Variants in GALNT18 observed in about 807,000 individuals in gnomAD.
The protein encoded by GALNT18 is polypeptide N-acetylgalactosaminyltransferase 18.
A neutral mutation model predicts 69.5 loss-of-function variants in GALNT18; 44 were observed. The ratio of observed to expected loss-of-function variants is 0.63; its 90% CI spans 0.50 to 0.81. The LOEUF (loss-of-function observed/expected upper bound fraction) is 0.81, where lower values mean the gene tolerates loss of function less well. Ranked by LOEUF, GALNT18 falls within the 40% of genes least tolerant of loss-of-function variation. The pLI is 0.00. For synonymous variants in GALNT18, 364 were observed against 318.2 expected (o/e 1.14, Z -1.53); for missense variants, 715 against 810.0 (o/e 0.88, Z 1.42).
intron 3 of GALNT18, among the ~76,000 whole-genome samples, chr11:11,388,268 C>T (rs1029650028): frequency 2.0e-5 from 3 of 152,276 alleles, no homozygotes; most frequent in East Asian, 1.9e-4. Flanking sequence ...CCATACTTAG[C>T]GGGGTCGCCA....
intron 1 of GALNT18, chr11:11,475,514 G>T (rs961367762): frequency 6.6e-6 from 1 of 152,206 alleles, no homozygotes; most frequent in Non-Finnish European, 1.5e-5. Flanking sequence ...ATTGAGTTTT[G>T]TTCCTTTTAA....
intron 1 of GALNT18, among the ~76,000 whole-genome samples, chr11:11,517,479 ACACATG>A (rs138434206): frequency 0.027 from 4,055 of 152,340 alleles, 126 homozygotes; most frequent in African/African-American, 0.072. Context: ...ATATACATCC[ACACATG>A]CACATATATG....
chr11:11,283,528 A>G (rs1849130094), intron 10 of GALNT18, among the ~76,000 whole-genome samples: 1 of 152,172 alleles, frequency 6.6e-6, no homozygotes, highest in Admixed American at 6.5e-5. Flanking sequence ...GGCACAGAGC[A>G]TTGGAGGAAG....
intron 10 of GALNT18, among the ~76,000 whole-genome samples, chr11:11,282,534 G>A (rs1849102469): frequency 1.3e-5 from 2 of 152,286 alleles, no homozygotes; most frequent in Admixed American, 6.5e-5. Flanking sequence ...GTAAGTAGTG[G>A]CAGCCTGGGA....
rs1022676043 is a variant in GALNT18 at position 11,315,298 on chromosome 11, T to G, written c.1512+11788A>C. Reference sequence around the variant, plus strand: ...GTGGACCTAGCAAGGTCCATTCACTTCCTTTCAGTGGTGCCATCAGGAAAG... The same window carrying G: ...GTGGACCTAGCAAGGTCCATTCACTGCCTTTCAGTGGTGCCATCAGGAAAG... On this transcript the variant is annotated intron_variant, in intron 9 of 10. Transcript: ENST00000227756. This position sits in a 1 kb window ranked among gnomAD's most constrained non-coding sequence, Gnocchi z 5.6. 6.6e-6 allele frequency among the ~76,000 whole-genome samples: 1 copy of G among 152,126 alleles called. No homozygotes were observed. The highest frequency in any genetic ancestry group is 2.4e-5 in the African/African-American group (1 of 41,418).
In GALNT18 at chr11:11,610,661, A is replaced by C. The variant is rs75111513; in HGVS notation, c.235+10698T>G. 6.4e-3 allele frequency among the ~76,000 whole-genome samples: 970 copies of C among 152,328 alleles called. 11 individuals carry two copies. The highest frequency in any genetic ancestry group is 0.011 in the Non-Finnish European group (771 of 68,032). ...AATAAAAGGCCTGGCCCAGTTATCG[A>C]GTTGGACATTCTATGTCATAATTCC... is the stretch of plus-strand genomic sequence containing the variant. On this transcript the variant is annotated intron_variant, in intron 1 of 10. Transcript: ENST00000227756.
intron 2 of GALNT18, among the ~76,000 whole-genome samples, chr11:11,440,315 C>T (rs1590003668): frequency 2.0e-5 from 3 of 152,306 alleles, no homozygotes; most frequent in East Asian, 1.9e-4. Context: ...GCTGAATGAA[C>T]AGCCACCCAG....
At chr11:11,301,149 CTG>C (rs1849487794) in intron 9 of GALNT18, among the ~76,000 whole-genome samples, 1 of 152,176 alleles carries the variant, frequency 6.6e-6, no homozygotes, top group South Asian at 2.1e-4. Context: ...CCTCTCATCT[CTG>C]TGCCCGTCTT....
intron 2 of GALNT18, among the ~76,000 whole-genome samples, chr11:11,437,544 C>G (rs968412390): frequency 6.6e-6 from 1 of 151,956 alleles, no homozygotes; most frequent in South Asian, 2.1e-4. Flanking sequence ...CAGTGCTGTA[C>G]GATCATGTGA....
rs1455745451 is a variant in GALNT18, at chr11:11,541,752, G to A, written c.235+79607C>T. Among the ~76,000 whole-genome samples, 4 of 132,866 alleles carry A rather than the reference G, an allele frequency of 3.0e-5. No individual in the cohort carries two copies. Among genetic ancestry groups the A allele is most frequent in the African/African-American group, 1.2e-4 (4 of 34,622 alleles). 87.2% of individuals were successfully genotyped at this position (132,866 alleles called of 152,430 possible). A position where few individuals can be genotyped will look rare whatever the true frequency, so the allele number is the denominator to read the frequency against. On this transcript the variant is annotated intron_variant, in intron 1 of 10. Coordinates refer to ENST00000227756, the MANE Select transcript of GALNT18 (RefSeq NM_198516.3). The surrounding 1 kb of genome is among the most constrained non-coding windows in gnomAD (Gnocchi z 4.8). ...CTTGGGGATTCCTCCCTTCAGCCAA[G>A]CCTCCCAGAGAAAGATGCTCAGACT... is the stretch of plus-strand genomic sequence containing the variant.
intron 3 of GALNT18, among the ~76,000 whole-genome samples, chr11:11,428,624 C>A (rs1397496228): frequency 6.6e-6 from 1 of 152,238 alleles, no homozygotes; most frequent in Non-Finnish European, 1.5e-5. Context: ...AGAGGCCCTG[C>A]TCCAAACTCT....
rs1401813496 is a variant in GALNT18, at chr11:11,340,322, G to A, written c.1278+497C>T. Among the ~76,000 whole-genome samples, 3 of 70,602 alleles carry A rather than the reference G, an allele frequency of 4.2e-5. No individual in the cohort carries two copies. The highest frequency in any genetic ancestry group is 7.9e-5 in the Non-Finnish European group (3 of 37,992). The allele number at this position is 70,602 out of a possible 152,430, so 46.3% of individuals were successfully genotyped here. ...TCCTAGTGAAGGTCCCTGTAGGTGT[G>A]CCCCCATCCCCATACACGTGGCTCA... On this transcript the variant is annotated intron_variant, in intron 7 of 10. Coordinates refer to ENST00000227756, the MANE Select transcript of GALNT18 (RefSeq NM_198516.3). The surrounding 1 kb of genome is among the most constrained non-coding windows in gnomAD (Gnocchi z 4.2).
At chr11:11,495,400 G>T (rs1190478496) in intron 1 of GALNT18, among the ~76,000 whole-genome samples, 1 of 152,180 alleles carries the variant, frequency 6.6e-6, no homozygotes, top group African/African-American at 2.4e-5. Context: ...TGAACATTTA[G>T]AAAGGGATGA....
chr11:11,466,801 G>A (rs1180601127), intron 1 of GALNT18, among the ~76,000 whole-genome samples: 1 of 152,146 alleles, frequency 6.6e-6, no homozygotes, highest in Non-Finnish European at 1.5e-5. Flanking sequence ...GTAAAGTTGG[G>A]GCAGGAATGA....
chr11:11,590,779 T>TC lies in GALNT18; in HGVS notation c.235+30579dup, dbSNP rs1859338509. 6.6e-6 allele frequency among the ~76,000 whole-genome samples: 1 copy of TC among 152,276 alleles called. No individual in the cohort carries two copies. The highest frequency in any genetic ancestry group is 6.5e-5 in the Admixed American group (1 of 15,294). ...TAGTAACATCACAGCCATCCTTATG[T>TC]CACAGCACAATGCATTCCTCAGGTG... is the stretch of plus-strand genomic sequence containing the variant. On this transcript the variant is annotated intron_variant, in intron 1 of 10. Coordinates refer to ENST00000227756, the MANE Select transcript of GALNT18 (RefSeq NM_198516.3). This position sits in a 1 kb window ranked among gnomAD's most constrained non-coding sequence, Gnocchi z 4.4.
intron 9 of GALNT18, among the ~76,000 whole-genome samples, chr11:11,302,279 G>A (rs1849508361): frequency 6.6e-6 from 1 of 152,124 alleles, no homozygotes; most frequent in East Asian, 1.9e-4. Flanking sequence ...GAGGTGCCTT[G>A]GTGTGGTTGA....
chr11:11,359,741 C>A (rs189831012), intron 6 of GALNT18, among the ~76,000 whole-genome samples: 1 of 152,302 alleles, frequency 6.6e-6, no homozygotes, highest in African/African-American at 2.4e-5. Context: ...GGAGTTAACC[C>A]TTGAAATTAA....
rs1391558163 is a variant in GALNT18 at position 11,320,861 on chromosome 11, G to T, written c.1512+6225C>A. On this transcript the variant is annotated intron_variant, in intron 9 of 10. Transcript: ENST00000227756. The surrounding 1 kb of genome is among the most constrained non-coding windows in gnomAD (Gnocchi z 4.9). The stretch of plus-strand genomic sequence containing the variant: ...CACAGCAGCATCCCTACCCCTTCCT[G>T]GGAAATGTGTGTAATCTGAGGCTGG... Among the ~76,000 whole-genome samples, 1 of 152,022 alleles carries T rather than the reference G, an allele frequency of 6.6e-6. No individual in the cohort carries two copies. The highest frequency in any genetic ancestry group is 1.5e-5 in the Non-Finnish European group (1 of 68,000).
chr11:11,280,889 C>T (rs1362972331), intron 10 of GALNT18, among the ~76,000 whole-genome samples: 1 of 152,188 alleles, frequency 6.6e-6, no homozygotes, highest in Non-Finnish European at 1.5e-5. Context: ...AAGCTAGACT[C>T]TTAGGCCCAG....
Sources: allele counts gnomAD v4.1 joint callset (sites outside exome capture counted in the v4.1 genomes callset), GRCh38; gene constraint gnomAD v4.1.1; non-coding constraint Gnocchi (gnomAD v3.1); transcripts MANE v1.5; gene names NCBI Gene and HGNC (gene_info 2026-07-23, HGNC 2026-07-21).